Variants in ZFYVE28 observed in about 807,000 individuals in gnomAD.
ZFYVE28 encodes zinc finger FYVE-type containing 28, also known as lateral signaling target protein 2 homolog.
A neutral mutation model predicts 82.1 loss-of-function variants in ZFYVE28; 40 were observed. That is an observed-to-expected ratio of 0.49 (90% confidence interval 0.38 to 0.63). The LOEUF is 0.63. Among genes scored for constraint, ZFYVE28 ranks in the 30% least tolerant of loss-of-function variants. The probability of loss-of-function intolerance (pLI) is 0.00; values close to 1 mark genes in which losing one functional copy is unlikely to be tolerated. For missense variants in ZFYVE28, 1,321 were observed against 1,242.1 expected, an observed-to-expected ratio of 1.06 and a Z score of -0.96; for synonymous variants, 612 against 546.1, an observed-to-expected ratio of 1.12 and a Z score of -1.68.
At position 2,332,803 on chromosome 4, in the gene ZFYVE28, C is replaced by T. The variant is rs1316581141; in HGVS notation, c.701+2902G>A. Among the ~76,000 whole-genome samples the T allele has an allele frequency of 6.6e-6, 1 of 152,138 alleles. No homozygotes were observed. Among genetic ancestry groups the T allele is most frequent in the Non-Finnish European group, 1.5e-5 (1 of 68,004 alleles). On this transcript the variant is annotated intron_variant, in intron 6 of 12. Coordinates refer to ENST00000290974, the MANE Select transcript of ZFYVE28 (RefSeq NM_020972.3). The surrounding 1 kb of genome is among the most constrained non-coding windows in gnomAD (Gnocchi z 4.7). ...CAGCTGCCCACTCAGCACTCACCCGCTCAGCACTCACCCGCCCTGCTCGAG... is the reference window on the plus strand; with the variant it reads ...CAGCTGCCCACTCAGCACTCACCCGTTCAGCACTCACCCGCCCTGCTCGAG...
intron 8 of ZFYVE28, among the ~76,000 whole-genome samples, chr4:2,297,790 TGGGA>T (rs1367684299): frequency 5.5e-5 from 8 of 146,616 alleles, no homozygotes; most frequent in African/African-American, 7.7e-5. Context: ...CGGGCTGTGC[TGGGA>T]GGAACGGCAG....
chr4:2,412,665 G>A (rs924777641), intron 1 of ZFYVE28, among the ~76,000 whole-genome samples: 3 of 152,002 alleles, frequency 2.0e-5, no homozygotes, highest in African/African-American at 4.8e-5. Flanking sequence ...CTTTGCACCC[G>A]GCACACCCTG....
rs888412013 is a variant in ZFYVE28 at position 2,283,549 on chromosome 4, TCCATCCAA to T, written c.2052-9341_2052-9334del. Among the ~76,000 whole-genome samples the T allele has an allele frequency of 2.0e-4, 30 of 148,680 alleles. 5 individuals are homozygous for T. The highest frequency in any genetic ancestry group is 3.5e-3 in the Middle Eastern group (1 of 284). On this transcript the variant is annotated intron_variant, in intron 8 of 12. Coordinates refer to ENST00000290974, the MANE Select transcript of ZFYVE28 (RefSeq NM_020972.3). ...AATCATCAGTCCATCCATCCATCCA[TCCATCCAA>T]CCATCCAACCGTCCATCCACCCATC... is the stretch of plus-strand genomic sequence containing the variant.
At position 2,322,647 on chromosome 4, in the gene ZFYVE28, C is replaced by T. The variant is rs550268295; in HGVS notation, c.702-2376G>A. Among the ~76,000 whole-genome samples, 5 of 152,340 alleles carry T rather than the reference C, an allele frequency of 3.3e-5. No individual in the cohort carries two copies. In the South Asian group the frequency reaches 1.0e-3, roughly 32 times the overall value. ...AACAACTGTTTTAAAGGGTATGATT[C>T]TGAGGCATTTTCTGCATTCACGGTG... On this transcript the variant is annotated intron_variant, in intron 6 of 12. Transcript: ENST00000290974.
chr4:2,338,828 G>A (rs1276792232), intron 4 of ZFYVE28, among the ~76,000 whole-genome samples: 1 of 152,104 alleles, frequency 6.6e-6, no homozygotes, highest in African/African-American at 2.4e-5. Flanking sequence ...TGTTTGTTGT[G>A]GTTGTTGTTG....
intron 4 of ZFYVE28, among the ~76,000 whole-genome samples, chr4:2,337,877 T>TACAC (rs57325124): frequency 8.1e-4 from 123 of 151,090 alleles, no homozygotes; most frequent in African/African-American, 2.3e-3. Context: ...TCTCTTAAAA[T>TACAC]ACACACACAC....
chr4:2,345,037 C>T (rs1245615136), intron 2 of ZFYVE28, among the ~76,000 whole-genome samples: 11 of 151,938 alleles, frequency 7.2e-5, no homozygotes, highest in Admixed American at 7.2e-4. Flanking sequence ...CAGTGAAACC[C>T]CGTCTCTACT....
At chr4:2,331,987 G>T (rs933979982) in intron 6 of ZFYVE28, among the ~76,000 whole-genome samples, 6 of 152,222 alleles carry the variant, frequency 3.9e-5, no homozygotes, top group African/African-American at 1.4e-4. Context: ...TCCAGCTGTT[G>T]ACCCCCAGCG....
chr4:2,364,319 C>G (rs960027614), intron 1 of ZFYVE28, among the ~76,000 whole-genome samples: 6 of 152,244 alleles, frequency 3.9e-5, no homozygotes, highest in African/African-American at 1.4e-4. Context: ...CAGCCCCACA[C>G]AGTCCTCCAG....
chr4:2,287,253 A>C (rs1314490298), intron 8 of ZFYVE28: 1 of 152,294 alleles, frequency 6.6e-6, no homozygotes, highest in African/African-American at 2.4e-5. Context: ...GGAATCTGTC[A>C]TCTGATCCTA....
chr4:2,368,862 G>GT (rs1315495795), intron 1 of ZFYVE28, among the ~76,000 whole-genome samples: 1 of 152,218 alleles, frequency 6.6e-6, no homozygotes, highest in African/African-American at 2.4e-5. Flanking sequence ...GCACTTCTGT[G>GT]TTTAACTTTT....
At chr4:2,307,640 A>C (rs1328494017) in intron 7 of ZFYVE28, among the ~76,000 whole-genome samples, 1 of 152,060 alleles carries the variant, frequency 6.6e-6, no homozygotes, top group African/African-American at 2.4e-5. Context: ...AGACCACCGT[A>C]TCTGGCTAAT....
chr4:2,334,778 CT>C (rs1721351585), intron 6 of ZFYVE28, among the ~76,000 whole-genome samples: 1 of 28,594 alleles, frequency 3.5e-5, no homozygotes, highest in African/African-American at 3.8e-4. Flanking sequence ...CCACTTCCGC[CT>C]CCCCTCTTCC....
intron 7 of ZFYVE28, among the ~76,000 whole-genome samples, chr4:2,309,739 C>T (rs1265452741): frequency 1.3e-5 from 2 of 152,224 alleles, no homozygotes; most frequent in Non-Finnish European, 2.9e-5. Flanking sequence ...CTGCAGTACA[C>T]ACACAACAGA....
intron 1 of ZFYVE28, among the ~76,000 whole-genome samples, chr4:2,406,279 G>A (rs1264605993): frequency 6.7e-6 from 1 of 148,428 alleles, no homozygotes; most frequent in African/African-American, 2.4e-5. Context: ...GGCTGAGGCA[G>A]GAGAATCACT....
chr4:2,270,992 G>C (rs537834922), intron 12 of ZFYVE28, 136 bp from the exon 13 acceptor site: 1 of 1,342,378 alleles, frequency 7.4e-7, no homozygotes, highest in Non-Finnish European at 1.0e-6. Flanking sequence ...AGCTGCCAGG[G>C]GTTGTGACCT....
In ZFYVE28 at chr4:2,362,468, G is replaced by A. The variant is rs1274274610; in HGVS notation, c.40-8395C>T. 6.6e-6 allele frequency among the ~76,000 whole-genome samples: 1 copy of A among 152,092 alleles called. No individual in the cohort carries two copies. Among genetic ancestry groups the A allele is most frequent in the Non-Finnish European group, 1.5e-5 (1 of 68,010 alleles). On this transcript the variant is annotated intron_variant, in intron 1 of 12. Transcript: ENST00000290974. This position sits in a 1 kb window ranked among gnomAD's most constrained non-coding sequence, Gnocchi z 5.1. ...AGCCCCTCCACCCCTCCACCACTGG[G>A]GCTAGAATTGTTCACTGCTGCCAAT...
chr4:2,389,439 A>C (rs980843571), intron 1 of ZFYVE28, among the ~76,000 whole-genome samples: 9 of 152,194 alleles, frequency 5.9e-5, no homozygotes, highest in Non-Finnish European at 1.3e-4. Context: ...CCACCACATG[A>C]GGAGGCTCAG....
chr4:2,383,594 G>C (rs1728949475), intron 1 of ZFYVE28, among the ~76,000 whole-genome samples: 1 of 152,186 alleles, frequency 6.6e-6, no homozygotes, highest in Non-Finnish European at 1.5e-5. Context: ...ATCAAATGCT[G>C]CTTTCGGTCA....
Sources: allele counts gnomAD v4.1 joint callset (sites outside exome capture counted in the v4.1 genomes callset), GRCh38; gene constraint gnomAD v4.1.1; non-coding constraint Gnocchi (gnomAD v3.1); transcripts MANE v1.5; gene names NCBI Gene and HGNC (gene_info 2026-07-23, HGNC 2026-07-21).